Variants in SLC44A5 observed in about 807,000 individuals in gnomAD.
SLC44A5 encodes the protein solute carrier family 44 member 5, also known as choline transporter-like protein 5.
Under a neutral mutation model 101.8 loss-of-function variants are expected in SLC44A5, and 57 were observed. The ratio of observed to expected loss-of-function variants is 0.56; its 90% CI spans 0.45 to 0.70. The LOEUF is 0.70. Ranked by LOEUF, SLC44A5 falls within the 30% of genes least tolerant of loss-of-function variation. SLC44A5 has a pLI of 0.00. For synonymous variants in SLC44A5, 281 were observed against 290.9 expected, an observed-to-expected ratio of 0.97 and a Z score of 0.35; for missense variants, 737 against 853.1, an observed-to-expected ratio of 0.86 and a Z score of 1.70.
intron 1 of SLC44A5, among the ~76,000 whole-genome samples, chr1:75,598,009 A>G (rs1674749756): frequency 6.6e-6 from 1 of 152,182 alleles, no homozygotes; most frequent in Admixed American, 6.5e-5. Context: ...AAGAAAACCT[A>G]GAGAATGGGA....
chr1:75,668,315 C>T, the SLC44A5 span, among the ~76,000 whole-genome samples: 128 of 65,084 alleles, frequency 2.0e-3, no homozygotes, highest in East Asian at 9.5e-3. Flanking sequence ...TCCTAGGAGC[C>T]TTTTTTTTTT....
chr1:75,424,896 A>G (rs1664217518), intron 2 of SLC44A5, among the ~76,000 whole-genome samples: 1 of 152,252 alleles, frequency 6.6e-6, no homozygotes, highest in Non-Finnish European at 1.5e-5. Flanking sequence ...TCAAATAACA[A>G]AAACATATAC....
At chr1:75,641,991 C>T in the SLC44A5 span, 1 of 1,497,682 alleles carries the variant, frequency 6.7e-7, no homozygotes, top group Non-Finnish European at 9.3e-7. Context: ...TCTTCCTCCT[C>T]ATCATCTTCA....
intron 3 of SLC44A5, among the ~76,000 whole-genome samples, chr1:75,366,328 CT>C (rs1403220250): frequency 6.6e-6 from 1 of 152,004 alleles, no homozygotes; most frequent in African/African-American, 2.4e-5. Context: ...TTTTTTCAGC[CT>C]TTTGAATATA....
intron 1 of SLC44A5, among the ~76,000 whole-genome samples, chr1:75,548,539 G>A (rs756106675): frequency 3.3e-5 from 5 of 151,928 alleles, no homozygotes; most frequent in South Asian, 2.1e-4. Flanking sequence ...CCAAATATGC[G>A]GTTTTCCCAA....
intron 2 of SLC44A5, among the ~76,000 whole-genome samples, chr1:75,444,207 C>G (rs1039939721): frequency 6.6e-6 from 1 of 151,226 alleles, no homozygotes; most frequent in African/African-American, 2.4e-5. Context: ...ATCCCAGGTG[C>G]TTGAGAGGCT....
Position 75,351,452 on chromosome 1 carries a change from A to C in SLC44A5, c.53-11822T>G, listed in dbSNP as rs558943537. ...GAAAAGCCTGAAGTGAAAGGGTAAAATTATAAAGTCATTATGACCTCAGAG... is the reference window on the plus strand; with the variant it reads ...GAAAAGCCTGAAGTGAAAGGGTAAACTTATAAAGTCATTATGACCTCAGAG... On this transcript the variant is annotated intron_variant, in intron 3 of 23. Coordinates refer to ENST00000370859, the MANE Select transcript of SLC44A5 (RefSeq NM_001130058.2). Among the ~76,000 whole-genome samples, 243 of 152,290 alleles carry C rather than the reference A, an allele frequency of 1.6e-3. 1 individual carries two copies. The highest frequency in any genetic ancestry group is 5.7e-3 in the African/African-American group (237 of 41,578).
At chr1:75,281,712 G>C (rs1652603717) in intron 5 of SLC44A5, among the ~76,000 whole-genome samples, 1 of 147,106 alleles carries the variant, frequency 6.8e-6, no homozygotes, top group South Asian at 2.2e-4. Flanking sequence ...GTGGCTGAAA[G>C]GGGCCAGGGT....
chr1:75,462,925 G>A (rs1382231020), intron 2 of SLC44A5, among the ~76,000 whole-genome samples: 2 of 152,120 alleles, frequency 1.3e-5, no homozygotes, highest in African/African-American at 4.8e-5. Flanking sequence ...AAATCTAATA[G>A]TTATTGGCTT....
At chr1:75,567,927 C>T (rs977610668) in intron 1 of SLC44A5, among the ~76,000 whole-genome samples, 7 of 152,122 alleles carry the variant, frequency 4.6e-5, no homozygotes, top group Non-Finnish European at 1.0e-4. Flanking sequence ...AATAGTAGCT[C>T]GTAACTTCTT....
At chr1:75,361,728 T>C (rs1659501645) in intron 3 of SLC44A5, among the ~76,000 whole-genome samples, 1 of 152,156 alleles carries the variant, frequency 6.6e-6, no homozygotes. Flanking sequence ...TGTTTTGATG[T>C]ATTGTTGAAT....
chr1:75,375,468 G>T (rs1158157078), intron 3 of SLC44A5, among the ~76,000 whole-genome samples: 4 of 152,176 alleles, frequency 2.6e-5, no homozygotes, highest in African/African-American at 9.7e-5. Context: ...TGACATGTAA[G>T]TTCAAGAAAT....
chr1:75,635,407 C>A, the SLC44A5 span, among the ~76,000 whole-genome samples: 8 of 151,906 alleles, frequency 5.3e-5, no homozygotes, highest in Non-Finnish European at 1.2e-4. Flanking sequence ...TTGAAATCAA[C>A]CCAAATGTCC....
At chr1:75,252,805 T>A (rs1036662637) in intron 6 of SLC44A5, among the ~76,000 whole-genome samples, 1 of 152,144 alleles carries the variant, frequency 6.6e-6, no homozygotes, top group African/African-American at 2.4e-5. Context: ...CAGCCCATCA[T>A]AATAGGATAT....
At chr1:75,617,116 G>C in the SLC44A5 span, among the ~76,000 whole-genome samples, 1 of 152,136 alleles carries the variant, frequency 6.6e-6, no homozygotes, top group Non-Finnish European at 1.5e-5. Context: ...CGCTTAAAGG[G>C]TAGGGTAGGG....
At chr1:75,353,366 ACTAT>A (rs1658828322) in intron 3 of SLC44A5, among the ~76,000 whole-genome samples, 2 of 152,130 alleles carry the variant, frequency 1.3e-5, no homozygotes, top group Non-Finnish European at 2.9e-5. Context: ...TAATTTTTTG[ACTAT>A]CTATTAGTCC....
intron 6 of SLC44A5, 108 bp downstream of exon 6, chr1:75,274,850 T>C (rs1022110758): frequency 1.1e-6 from 1 of 885,994 alleles, no homozygotes; most frequent in Non-Finnish European, 1.8e-6. Flanking sequence ...AAGGCTTCCT[T>C]TATGAATTTA....
intron 2 of SLC44A5, among the ~76,000 whole-genome samples, chr1:75,424,317 G>T (rs1165922895): frequency 6.6e-6 from 1 of 151,954 alleles, no homozygotes; most frequent in Non-Finnish European, 1.5e-5. Context: ...TGTTTGTTTT[G>T]TTTTTTGAGA....
chr1:75,371,428 G>T (rs966661549), intron 3 of SLC44A5, among the ~76,000 whole-genome samples: 3 of 152,170 alleles, frequency 2.0e-5, no homozygotes, highest in Non-Finnish European at 2.9e-5. Context: ...CCAACTCACA[G>T]TAAGTGCTGT....
Sources: allele counts gnomAD v4.1 joint callset (sites outside exome capture counted in the v4.1 genomes callset), GRCh38; gene constraint gnomAD v4.1.1; transcripts MANE v1.5; gene names NCBI Gene and HGNC (gene_info 2026-07-23, HGNC 2026-07-21).